The following MAF variants were observed in gnomAD, a reference collection of about 807,000 sequenced individuals.
MAF encodes the protein MAF bZIP transcription factor, also known as transcription factor Maf.
In MAF, 10 loss-of-function variants were observed where a neutral mutation model predicts 22.0. The ratio of observed to expected loss-of-function variants is 0.45; its 90% CI spans 0.28 to 0.77. The LOEUF (loss-of-function observed/expected upper bound fraction) is 0.77, where lower values mean the gene tolerates loss of function less well. Among genes scored for constraint, MAF ranks in the 30% least tolerant of loss-of-function variants. The pLI is 0.12. For missense variants in MAF, 544 were observed against 548.4 expected, an observed-to-expected ratio of 0.99 and a Z score of 0.08; for synonymous variants, 337 against 255.8, an observed-to-expected ratio of 1.32 and a Z score of -3.03.
the MAF span, among the ~76,000 whole-genome samples, chr16:79,491,301 T>A: frequency 6.6e-6 from 1 of 151,744 alleles, no homozygotes; most frequent in Admixed American, 6.6e-5. Context: ...GATTGGGAGG[T>A]AGTAGCTGCC....
At chr16:79,318,699 C>T in the MAF span, among the ~76,000 whole-genome samples, 9,630 of 152,198 alleles carry the variant, frequency 0.063, 634 homozygotes, top group African/African-American at 0.17. Context: ...CATGACACAT[C>T]CTGTCACTTA....
At chr16:79,477,936 C>A in the MAF span, among the ~76,000 whole-genome samples, 2 of 151,692 alleles carry the variant, frequency 1.3e-5, no homozygotes, top group African/African-American at 4.8e-5. Context: ...GTTGGCCAGG[C>A]TGGTCTCGAA....
chr16:79,523,977 T>C, the MAF span, among the ~76,000 whole-genome samples: 1 of 152,186 alleles, frequency 6.6e-6, no homozygotes, highest in South Asian at 2.1e-4. Context: ...CCTGTGATCA[T>C]CGGCATGAAA....
the MAF span, among the ~76,000 whole-genome samples, chr16:79,310,538 G>A: frequency 1.3e-5 from 2 of 152,314 alleles, no homozygotes; most frequent in African/African-American, 4.8e-5. Flanking sequence ...TCAGATGGGA[G>A]GACTGCTGTC....
At chr16:79,259,486 G>T in the MAF span, among the ~76,000 whole-genome samples, 9 of 152,230 alleles carry the variant, frequency 5.9e-5, no homozygotes, top group South Asian at 1.9e-3. Context: ...CCACCACTAG[G>T]AGGTGGCTCC....
the MAF span, among the ~76,000 whole-genome samples, chr16:79,398,191 C>T: frequency 2.0e-5 from 3 of 152,094 alleles, no homozygotes; most frequent in Non-Finnish European, 4.4e-5. Flanking sequence ...GCTTCTATTG[C>T]CACATCTCCT....
At chr16:79,206,173 G>T in the MAF span, 1 of 152,176 alleles carries the variant, frequency 6.6e-6, no homozygotes, top group African/African-American at 2.4e-5. Flanking sequence ...ACACACGACA[G>T]CCCCCACATT....
the MAF span, among the ~76,000 whole-genome samples, chr16:79,223,005 T>C: frequency 6.6e-6 from 1 of 152,290 alleles, no homozygotes; most frequent in East Asian, 1.9e-4. Context: ...AACTCAGCTC[T>C]GGACCAAGCA....
the MAF span, among the ~76,000 whole-genome samples, chr16:79,564,981 T>C: frequency 2.0e-5 from 3 of 152,170 alleles, no homozygotes; most frequent in South Asian, 6.2e-4. Flanking sequence ...ACACATGTCT[T>C]ACATCTGAAG....
the MAF span, among the ~76,000 whole-genome samples, chr16:79,564,986 C>T: frequency 6.6e-6 from 1 of 152,154 alleles, no homozygotes; most frequent in Non-Finnish European, 1.5e-5. Context: ...TGTCTTACAT[C>T]TGAAGCTTGA....
the MAF span, among the ~76,000 whole-genome samples, chr16:79,558,201 G>T: frequency 6.6e-6 from 1 of 152,166 alleles, no homozygotes; most frequent in East Asian, 1.9e-4. Flanking sequence ...GTTGGAAACA[G>T]CCGGAAAGAG....
At chr16:79,391,591 G>A in the MAF span, among the ~76,000 whole-genome samples, 2 of 152,176 alleles carry the variant, frequency 1.3e-5, no homozygotes, top group South Asian at 4.1e-4. Flanking sequence ...AAGAGAAGTA[G>A]AGCAAGGAGT....
chr16:79,359,129 C>G, the MAF span, among the ~76,000 whole-genome samples: 1 of 152,206 alleles, frequency 6.6e-6, no homozygotes, highest in Non-Finnish European at 1.5e-5. Context: ...CCCCCAGATT[C>G]CAAATCTTTC....
the MAF span, among the ~76,000 whole-genome samples, chr16:79,418,593 C>T: frequency 1.3e-5 from 2 of 152,092 alleles, no homozygotes; most frequent in East Asian, 1.9e-4. Flanking sequence ...GGGCGGGAGG[C>T]GTGCTCACTC....
chr16:79,386,771 G>C, the MAF span, among the ~76,000 whole-genome samples: 2 of 152,124 alleles, frequency 1.3e-5, no homozygotes, highest in Non-Finnish European at 1.5e-5. Flanking sequence ...TAGATGGTGA[G>C]ATCCAATGGA....
chr16:79,253,561 C>A, the MAF span, among the ~76,000 whole-genome samples: 4 of 152,050 alleles, frequency 2.6e-5, no homozygotes, highest in African/African-American at 9.7e-5. Flanking sequence ...TAAGGGCCTC[C>A]GGGGCAGGTG....
chr16:79,317,429 T>C, the MAF span, among the ~76,000 whole-genome samples: 45 of 146,808 alleles, frequency 3.1e-4, no homozygotes, highest in African/African-American at 1.1e-3. Context: ...CTTTCTCCCT[T>C]TCTTCCCTCC....
the MAF span, among the ~76,000 whole-genome samples, chr16:79,526,436 C>T: frequency 1.3e-5 from 2 of 152,130 alleles, no homozygotes; most frequent in African/African-American, 4.8e-5. Context: ...GCTGTATATA[C>T]ACGTGAAGCT....
chr16:79,576,306 G>A, the MAF span, among the ~76,000 whole-genome samples: 1 of 143,746 alleles, frequency 7.0e-6, no homozygotes, highest in East Asian at 2.1e-4. Flanking sequence ...CCCATACAAT[G>A]TGAATTCCAT....
Sources: allele counts gnomAD v4.1 joint callset (sites outside exome capture counted in the v4.1 genomes callset), GRCh38; gene constraint gnomAD v4.1.1; transcripts MANE v1.5; gene names NCBI Gene and HGNC (gene_info 2026-07-23, HGNC 2026-07-21).